PTAR1: variants seen among roughly 807,000 people sequenced by gnomAD.
PTAR1 encodes protein prenyltransferase alpha subunit repeat containing 1, also known as protein prenyltransferase alpha subunit repeat-containing protein 1.
Under a neutral mutation model 45.5 loss-of-function variants are expected in PTAR1, and 17 were observed. That is an observed-to-expected ratio of 0.37 (90% CI 0.26 to 0.56). PTAR1 has a LOEUF of 0.56. PTAR1 is among the 20% of genes least tolerant of loss of function. The probability of loss-of-function intolerance (pLI) is 0.77; values close to 1 mark genes in which losing one functional copy is unlikely to be tolerated. For synonymous variants in PTAR1, 169 were observed against 171.3 expected, an observed-to-expected ratio of 0.99 and a Z score of 0.11; for missense variants, 391 against 476.3, an observed-to-expected ratio of 0.82 and a Z score of 1.67.
chr9:69,735,808 C>T (rs558714857), intron 3 of PTAR1, among the ~76,000 whole-genome samples: 1 of 152,072 alleles, frequency 6.6e-6, no homozygotes, highest in Admixed American at 6.5e-5. Flanking sequence ...ACCATATCTA[C>T]TTAGACGGAC....
At chr9:69,745,706 A>C (rs1826246539) in intron 2 of PTAR1, among the ~76,000 whole-genome samples, 1 of 152,218 alleles carries the variant, frequency 6.6e-6, no homozygotes, top group African/African-American at 2.4e-5. Context: ...CTTACTGGGA[A>C]TTCTTGGGCA....
At chr9:69,729,897 A>G (rs776341089) in intron 5 of PTAR1, among the ~76,000 whole-genome samples, 4 of 152,352 alleles carry the variant, frequency 2.6e-5, no homozygotes, top group South Asian at 4.1e-4. Flanking sequence ...CAGTAAGCTT[A>G]TAACAATTTG....
chr9:69,725,988 G>A (rs886778508), intron 5 of PTAR1, among the ~76,000 whole-genome samples: 1 of 152,020 alleles, frequency 6.6e-6, no homozygotes, highest in South Asian at 2.1e-4. Context: ...CAAATGCAGG[G>A]CTATGAAAAA....
chr9:69,758,659 G>T, intron 1 of PTAR1: 1 of 391,274 alleles, frequency 2.6e-6, no homozygotes, highest in South Asian at 1.8e-5. Flanking sequence ...TGTGCCACAA[G>T]GGAGCAAAAC....
At chr9:69,728,053 T>C (rs577390379) in intron 5 of PTAR1, among the ~76,000 whole-genome samples, 2 of 152,332 alleles carry the variant, frequency 1.3e-5, no homozygotes, top group Non-Finnish European at 2.9e-5. Context: ...TCATACAATA[T>C]GTGGCCTTGA....
At position 69,710,690 on chromosome 9, in the gene PTAR1, TG is replaced by T. The variant is rs1354736446; in HGVS notation, c.*7651del. The T allele has an allele frequency of 3.3e-5, 5 of 152,156 alleles. No individual in the cohort carries two copies. The highest frequency in any genetic ancestry group is 1.2e-4 in the African/African-American group (5 of 41,452). 9.4% of individuals were successfully genotyped at this position (152,156 alleles called of 1,614,324 possible). ...TATGGAGAGAGCTAAAGGACTTCAA[TG>T]TAGACTGTTACATTGGGGAAAAACA... On this transcript the variant is annotated 3_prime_UTR_variant, in exon 8 of 8. Transcript: ENST00000340434.
rs770404404 is a variant in PTAR1, at chr9:69,718,343, C to G, written c.1208G>C (p.Ter403SerextTer3). Residue 403 changes from the stop codon to serine (S), a stop_lost, in exon 8 of 8, where the codon TGA becomes TCA. Transcript: ENST00000340434. ...CCTTGTAGGACTAATTCACCTCTTT[C>G]ATTGACTCAAAGTAACCAGCCATTT... ...YRKWLVTLSQ* is the reference protein window; with the variant it reads ...YRKWLVTLSQS 1.3e-6 allele frequency: 2 copies of G among 1,592,466 alleles called. No homozygotes were observed. The highest frequency in any genetic ancestry group is 1.7e-6 in the Non-Finnish European group (2 of 1,167,426).
intron 5 of PTAR1, among the ~76,000 whole-genome samples, chr9:69,725,302 T>A (rs982517099): frequency 6.6e-6 from 1 of 152,076 alleles, no homozygotes; most frequent in Non-Finnish European, 1.5e-5. Context: ...ATATAAAAGA[T>A]GTTCTGGCTG....
At chr9:69,727,760 T>C (rs1286466769) in intron 5 of PTAR1, among the ~76,000 whole-genome samples, 3 of 152,220 alleles carry the variant, frequency 2.0e-5, no homozygotes, top group African/African-American at 7.2e-5. Context: ...AAGTATCTAA[T>C]GGTAGAGTGT....
Position 69,725,629 on chromosome 9 carries a change from T to C in PTAR1, c.643-1999A>G, listed in dbSNP as rs1023609244. Among the ~76,000 whole-genome samples, 5 of 151,574 alleles carry C rather than the reference T, an allele frequency of 3.3e-5. No homozygotes were observed. In the South Asian group the frequency reaches 1.0e-3, roughly 31 times the overall value. ...ATATATATATATATTTTCAACAAAA[T>C]CAATTTCTTAAAAAAATTCTTAGGC... On this transcript the variant is annotated intron_variant, in intron 5 of 7. Transcript: ENST00000340434.
intron 1 of PTAR1, chr9:69,758,430 A>G (rs2297172): frequency 0.14 from 21,993 of 152,338 alleles, 1,700 homozygotes; most frequent in East Asian, 0.26. Context: ...ATTCTCAAAA[A>G]GAAATCGAAA....
rs1243951246 is a variant in PTAR1 at position 69,758,784 on chromosome 9, T to TA, written c.86+1068dup. 1,034 of 190,444 alleles carry TA rather than the reference T, an allele frequency of 5.4e-3. 2 individuals carry two copies. The highest frequency in any genetic ancestry group is 0.011 in the South Asian group (161 of 14,642). 11.8% of individuals were successfully genotyped at this position (190,444 alleles called of 1,614,324 possible). A position where few individuals can be genotyped will look rare whatever the true frequency, so the allele number is the denominator to read the frequency against. ...GAAAAGCTGAACCGGTTAGAATACT[T>TA]AAAAAAAAAAATCATGAGCTCCAGT... On this transcript the variant is annotated intron_variant, in intron 1 of 7. Transcript: ENST00000340434.
chr9:69,722,249 C>T (rs1163122634), intron 6 of PTAR1, among the ~76,000 whole-genome samples: 1 of 152,192 alleles, frequency 6.6e-6, no homozygotes, highest in African/African-American at 2.4e-5. Context: ...CTGCCTAGCA[C>T]AGGCAAGTCT....
rs575637372 is a variant in PTAR1 at position 69,714,848 on chromosome 9, T to C, written c.*3494A>G. Reference sequence around the variant, plus strand: ...CTACAGAAGACAAAGGGGACATTAATACATATCAAATCCCTAAGCTTAAAA... The same window carrying C: ...CTACAGAAGACAAAGGGGACATTAACACATATCAAATCCCTAAGCTTAAAA... On this transcript the variant is annotated 3_prime_UTR_variant, in exon 8 of 8. Transcript: ENST00000340434. 2 of 152,200 alleles carry C rather than the reference T, an allele frequency of 1.3e-5. No homozygotes were observed. Among genetic ancestry groups the C allele is most frequent in the East Asian group, 3.9e-4 (2 of 5,178 alleles). The allele number at this position is 152,200 out of a possible 1,614,324, so 9.4% of individuals were successfully genotyped here.
chr9:69,734,379 A>G (rs1437347099), intron 3 of PTAR1, 125 bp from the exon 4 acceptor site: 2 of 497,480 alleles, frequency 4.0e-6, no homozygotes, highest in Non-Finnish European at 3.4e-6. Context: ...TAAAACAAAA[A>G]AAGAAAGAAA....
chr9:69,739,623 C>A (rs1039337726), intron 3 of PTAR1, among the ~76,000 whole-genome samples: 1 of 152,080 alleles, frequency 6.6e-6, no homozygotes, highest in Non-Finnish European at 1.5e-5. Flanking sequence ...AGGGTTAGTA[C>A]AGAAGAGATC....
chr9:69,758,188 T>C (rs1042147426), intron 1 of PTAR1: 36 of 152,248 alleles, frequency 2.4e-4, no homozygotes, highest in African/African-American at 7.7e-4. Flanking sequence ...AACTGCACTG[T>C]GTTAAAAACT....
Position 69,732,342 on chromosome 9 carries a change from G to A in PTAR1, c.439C>T (p.Leu147=). 6.2e-7 allele frequency: 1 copy of A among 1,612,918 alleles called. No homozygotes were observed. The highest frequency in any genetic ancestry group is 8.5e-7 in the Non-Finnish European group (1 of 1,178,944). ...PETWIHRRWV[L]QQLIQETSLP... Reference sequence around the variant, plus strand: ...GAGGTTTCCTGAATTAGCTGTTGTAGCACCCATCGCCTGTTAAGGCAGCAT... The same window carrying A: ...GAGGTTTCCTGAATTAGCTGTTGTAACACCCATCGCCTGTTAAGGCAGCAT... The change falls in exon 5 of 8, where the codon CTA becomes TTA. Residue 147 remains leucine, a synonymous_variant. Transcript: ENST00000340434.
chr9:69,714,500 TA>T lies in PTAR1; in HGVS notation c.*3841del, dbSNP rs961845832. 37 of 152,058 alleles carry T rather than the reference TA, an allele frequency of 2.4e-4. No individual in the cohort carries two copies. Among genetic ancestry groups the T allele is most frequent in the African/African-American group, 8.7e-4 (36 of 41,424 alleles). 9.4% of individuals were successfully genotyped at this position (152,058 alleles called of 1,614,324 possible). A position where few individuals can be genotyped will look rare whatever the true frequency, so the allele number is the denominator to read the frequency against. ...ACTGACAATTTGTTTGCTTCAATAC[TA>T]AAAATTCCTTTTACACACACATACA... is the stretch of plus-strand genomic sequence containing the variant. On this transcript the variant is annotated 3_prime_UTR_variant, in exon 8 of 8. Coordinates refer to ENST00000340434, the MANE Select transcript of PTAR1 (RefSeq NM_001099666.2).
Sources: gnomAD v4.1 joint callset for allele counts (sites outside exome capture counted in the v4.1 genomes callset) on GRCh38, gnomAD v4.1.1 for gene constraint, MANE v1.5 for transcripts, NCBI Gene and HGNC (gene_info 2026-07-23, HGNC 2026-07-21) for gene names.